The following ENTPD1 variants were observed in gnomAD, a reference collection of about 807,000 sequenced individuals.
ENTPD1 encodes the protein ectonucleoside triphosphate diphosphohydrolase 1.
Under a neutral mutation model 57.0 loss-of-function variants are expected in ENTPD1, and 33 were observed. The observed-to-expected ratio is 0.58, with a 90% CI of 0.44 to 0.77. The LOEUF (loss-of-function observed/expected upper bound fraction) is 0.77. ENTPD1 is among the 30% of genes least tolerant of loss of function. ENTPD1 has a pLI of 0.00. For missense variants in ENTPD1, 501 were observed against 603.4 expected (o/e 0.83, Z 1.78); for synonymous variants, 202 against 218.8 (o/e 0.92, Z 0.68).
chr10:95,710,129 G>A (rs1248088535), upstream of ENTPD1, among the ~76,000 whole-genome samples: 1 of 152,016 alleles, frequency 6.6e-6, no homozygotes, highest in Non-Finnish European at 1.5e-5. Context: ...GATAGGCCAG[G>A]CACGGTGGCT....
intron 7 of ENTPD1, among the ~76,000 whole-genome samples, chr10:95,857,245 C>T (rs2098456734): frequency 6.6e-6 from 1 of 152,074 alleles, no homozygotes; most frequent in Admixed American, 6.5e-5. Context: ...CTACTGAAGG[C>T]TCAATATGTT....
At chr10:95,725,813 A>T (rs1724621315) in intron 1 of ENTPD1, among the ~76,000 whole-genome samples, 1 of 152,220 alleles carries the variant, frequency 6.6e-6, no homozygotes, top group Non-Finnish European at 1.5e-5. Context: ...AGAGAGAGAT[A>T]TGTGGAATGC....
intron 1 of ENTPD1, among the ~76,000 whole-genome samples, chr10:95,731,865 C>T (rs2097989677): frequency 7.3e-6 from 1 of 136,782 alleles, no homozygotes; most frequent in Admixed American, 7.9e-5. Flanking sequence ...TCACTGCAAC[C>T]TCCGCCTCCT....
rs1209113711 is a variant in ENTPD1 at position 95,876,643 on chromosome 10, T to A, written c.*10260T>A. 2 of 1,228,852 alleles carry A rather than the reference T, an allele frequency of 1.6e-6. No individual in the cohort carries two copies. Among genetic ancestry groups the A allele is most frequent in the African/African-American group, 3.1e-5 (2 of 64,372 alleles). The allele number at this position is 1,228,852 out of a possible 1,614,324, so 76.1% of individuals were successfully genotyped here. ...TCTGTTTGAAGGATGTATTTGGCTG[T>A]CTTCTGGACAGGCCATTCTAATAAC... On this transcript the variant is annotated 3_prime_UTR_variant, in exon 10 of 10. Transcript: ENST00000371205.
chr10:95,717,438 C>G (rs907329400), intron 1 of ENTPD1, among the ~76,000 whole-genome samples: 7 of 151,592 alleles, frequency 4.6e-5, no homozygotes, highest in African/African-American at 9.7e-5. Context: ...CCGCTCCCTG[C>G]TCAAATGCCT....
At position 95,873,707 on chromosome 10, in the gene ENTPD1, A is replaced by G. The variant is rs190047215; in HGVS notation, c.*7324A>G. The G allele has an allele frequency of 5.1e-6, 5 of 984,184 alleles. No individual in the cohort carries two copies. The East Asian group carries it at 4.5e-4, about 89-fold the overall frequency. The allele number at this position is 984,184 out of a possible 1,614,324, so 61.0% of individuals were successfully genotyped here. On this transcript the variant is annotated 3_prime_UTR_variant, in exon 10 of 10. Transcript: ENST00000371205. Reference sequence around the variant, plus strand: ...GGTTTTTAAAAACTATGATTGTATTAGTTCGTTTCCATGCTGCTGATAAAG... The same window carrying G: ...GGTTTTTAAAAACTATGATTGTATTGGTTCGTTTCCATGCTGCTGATAAAG...
intron 1 of ENTPD1, among the ~76,000 whole-genome samples, chr10:95,821,994 G>A (rs927806450): frequency 1.7e-5 from 2 of 118,682 alleles, no homozygotes; most frequent in Non-Finnish European, 3.5e-5. Flanking sequence ...AGTAGCTTTT[G>A]CCTTTTTTTT....
rs1402331995 is a variant in ENTPD1, at chr10:95,874,607, T to C, written c.*8224T>C. Among the ~76,000 whole-genome samples, 1 of 152,222 alleles carries C rather than the reference T, an allele frequency of 6.6e-6. No homozygotes were observed. The highest frequency in any genetic ancestry group is 2.4e-5 in the African/African-American group (1 of 41,448). On this transcript the variant is annotated 3_prime_UTR_variant, in exon 10 of 10. Transcript: ENST00000371205. ...CTACCGTTCTGGGACTGTGGCCTTC[T>C]TCTCACAGCTCCACTAGGCAGTGCC...
chr10:95,876,606 C>T lies in ENTPD1; in HGVS notation c.*10223C>T, dbSNP rs1323073773. 2 of 1,230,030 alleles carry T rather than the reference C, an allele frequency of 1.6e-6. No individual in the cohort carries two copies. The highest frequency in any genetic ancestry group is 3.1e-5 in the African/African-American group (2 of 64,396). The allele number at this position is 1,230,030 out of a possible 1,614,324, so 76.2% of individuals were successfully genotyped here. On this transcript the variant is annotated 3_prime_UTR_variant, in exon 10 of 10. Transcript: ENST00000371205. ...AATACAGGATGAATCCACTCTGTCT[C>T]CTGCAGTGAAGTCTGTTTGAAGGAT...
At position 95,782,017 on chromosome 10, in the gene ENTPD1, T is replaced by C. The variant is rs1163387186; in HGVS notation, c.16+25762T>C. ...TGAGAGTTCTGTGAGTAGAAACTCCTTTCTCTTCTTTAGAATTTCTGCCTC... is the reference window on the plus strand; with the variant it reads ...TGAGAGTTCTGTGAGTAGAAACTCCCTTCTCTTCTTTAGAATTTCTGCCTC... On this transcript the variant is annotated intron_variant, in intron 1 of 9. Coordinates refer to ENST00000371205, the MANE Select transcript of ENTPD1 (RefSeq NM_001776.6). Among the ~76,000 whole-genome samples the C allele has an allele frequency of 2.0e-5, 3 of 152,220 alleles. No individual in the cohort carries two copies. In the East Asian group the frequency reaches 5.8e-4, roughly 29 times the overall value.
At chr10:95,839,527 C>A in intron 2 of ENTPD1, 164 bp from the exon 3 acceptor site, 1 of 747,228 alleles carries the variant, frequency 1.3e-6, no homozygotes, top group South Asian at 1.5e-5. Context: ...GGGTTGTTGT[C>A]CTGGTAGATC....
intron 1 of ENTPD1, among the ~76,000 whole-genome samples, chr10:95,733,520 A>G (rs923519740): frequency 6.6e-6 from 1 of 152,258 alleles, no homozygotes; most frequent in Non-Finnish European, 1.5e-5. Context: ...ATAAATGTCC[A>G]TGAAATCTTC....
Position 95,869,864 on chromosome 10 carries a change from G to GT in ENTPD1, c.*3482dup, listed in dbSNP as rs2098478566. ...TCATACTAAATTTTCAAAATATTTT[G>GT]TGTCTATTACATTTACAGCACATCT... On this transcript the variant is annotated 3_prime_UTR_variant, in exon 10 of 10. Coordinates refer to ENST00000371205, the MANE Select transcript of ENTPD1 (RefSeq NM_001776.6). The GT allele has an allele frequency of 1.3e-6, 1 of 772,354 alleles. No individual in the cohort carries two copies. The highest frequency in any genetic ancestry group is 6.3e-5 in the Admixed American group (1 of 15,988). 47.8% of individuals were successfully genotyped at this position (772,354 alleles called of 1,614,324 possible). A position where few individuals can be genotyped will look rare whatever the true frequency, so the allele number is the denominator to read the frequency against.
Position 95,756,190 on chromosome 10 carries a change from C to T in ENTPD1, c.-50C>T, listed in dbSNP as rs1418793682. ...GGAGACGGACCACAGCAAGCAGAGG[C>T]TGGGGGGGGGAAAGACGAGGAAAGA... On this transcript the variant is annotated 5_prime_UTR_variant, in exon 1 of 10. Coordinates refer to ENST00000371205, the MANE Select transcript of ENTPD1 (RefSeq NM_001776.6). 2 of 1,574,992 alleles carry T rather than the reference C, an allele frequency of 1.3e-6. No homozygotes were observed. Among genetic ancestry groups the T allele is most frequent in the South Asian group, 2.3e-5 (2 of 86,332 alleles).
intron 4 of ENTPD1, among the ~76,000 whole-genome samples, chr10:95,843,513 G>A (rs1306396969): frequency 6.6e-6 from 1 of 152,214 alleles, no homozygotes; most frequent in Non-Finnish European, 1.5e-5. Context: ...AGGAAGCTGT[G>A]GCTTACAAAT....
At chr10:95,718,667 G>T (rs141664508) in intron 1 of ENTPD1, among the ~76,000 whole-genome samples, 2 of 152,102 alleles carry the variant, frequency 1.3e-5, no homozygotes, top group African/African-American at 4.8e-5. Context: ...TCTAGTGCCC[G>T]AGTGAGGGCT....
chr10:95,856,355 A>G (rs529512304), intron 7 of ENTPD1, among the ~76,000 whole-genome samples: 34 of 152,300 alleles, frequency 2.2e-4, no homozygotes, highest in African/African-American at 7.9e-4. Flanking sequence ...AGATGTTGGC[A>G]TGGATGTGGT....
chr10:95,843,107 T>G (rs1044770156), intron 4 of ENTPD1: 4 of 152,286 alleles, frequency 2.6e-5, no homozygotes, highest in African/African-American at 7.2e-5. Context: ...AAGGGATGCC[T>G]GAACTGAATC....
At chr10:95,807,905 T>C (rs1566175308) in intron 1 of ENTPD1, among the ~76,000 whole-genome samples, 1 of 152,210 alleles carries the variant, frequency 6.6e-6, no homozygotes, top group South Asian at 2.1e-4. Flanking sequence ...TTGGATGCCC[T>C]TTATTTCCTT....
Sources: gnomAD v4.1 joint callset for allele counts (sites outside exome capture counted in the v4.1 genomes callset) on GRCh38, gnomAD v4.1.1 for gene constraint, MANE v1.5 for transcripts, NCBI Gene and HGNC (gene_info 2026-07-23, HGNC 2026-07-21) for gene names.